Variants in GPC5 observed in about 807,000 individuals in gnomAD.
GPC5 encodes glypican 5, also known as glypican-5.
A neutral mutation model predicts 53.9 loss-of-function variants in GPC5; 47 were observed. The ratio of observed to expected loss-of-function variants is 0.87; its 90% CI spans 0.69 to 1.11. GPC5 has a LOEUF of 1.11. Ranked by LOEUF, GPC5 falls within the 50% of genes most tolerant of loss-of-function variation. The probability of loss-of-function intolerance (pLI) is 0.00; values close to 1 mark genes in which losing one functional copy is unlikely to be tolerated. For missense variants in GPC5, 748 were observed against 713.1 expected (o/e 1.05, Z -0.56); for synonymous variants, 286 against 263.3 (o/e 1.09, Z -0.84).
At chr13:91,600,340 AGAGAGAGAGT>A (rs1222462672) in intron 2 of GPC5, among the ~76,000 whole-genome samples, 73 of 42,556 alleles carry the variant, frequency 1.7e-3, no homozygotes, top group Non-Finnish European at 2.8e-3. Flanking sequence ...AGAGAGAGAG[AGAGAGAGAGT>A]GTGTGTGTGT....
chr13:92,095,842 T>C (rs1308596007), intron 6 of GPC5, among the ~76,000 whole-genome samples: 6 of 152,158 alleles, frequency 3.9e-5, no homozygotes, highest in Non-Finnish European at 5.9e-5. Flanking sequence ...CCTAAATCTA[T>C]TATTTAAAAA....
intron 2 of GPC5, among the ~76,000 whole-genome samples, chr13:91,680,706 AG>A (rs2139728845): frequency 6.6e-6 from 1 of 152,338 alleles, no homozygotes; most frequent in East Asian, 1.9e-4. Flanking sequence ...TTAAATGAAA[AG>A]GCTGCCTTTG....
intron 2 of GPC5, among the ~76,000 whole-genome samples, chr13:91,510,595 A>AC (rs1250927315): frequency 6.6e-6 from 1 of 152,236 alleles, no homozygotes; most frequent in Non-Finnish European, 1.5e-5. Context: ...ATATCTGCCC[A>AC]TATTTTAATT....
chr13:91,492,113 T>C (rs1011791737), intron 2 of GPC5, among the ~76,000 whole-genome samples: 3 of 152,230 alleles, frequency 2.0e-5, no homozygotes, highest in Non-Finnish European at 4.4e-5. Context: ...GAAAGTTATT[T>C]GTTGGATAAT....
chr13:91,964,103 A>C (rs889722259), intron 6 of GPC5, among the ~76,000 whole-genome samples: 2 of 152,080 alleles, frequency 1.3e-5, no homozygotes, highest in African/African-American at 4.8e-5. Context: ...TTTCCTTCTG[A>C]TGTTCAGAGG....
chr13:92,732,775 C>T (rs1219822254), intron 7 of GPC5, among the ~76,000 whole-genome samples: 2 of 151,694 alleles, frequency 1.3e-5, no homozygotes, highest in East Asian at 3.9e-4. Context: ...GATTTTCCCA[C>T]CTGAACCGCT....
intron 5 of GPC5, among the ~76,000 whole-genome samples, chr13:91,818,582 G>T (rs1461869392): frequency 6.6e-6 from 1 of 152,106 alleles, no homozygotes; most frequent in Non-Finnish European, 1.5e-5. Context: ...ATAATAAAAT[G>T]CTGGGTCTCA....
At chr13:92,115,811 AC>A (rs1456329859) in intron 6 of GPC5, among the ~76,000 whole-genome samples, 2 of 149,574 alleles carry the variant, frequency 1.3e-5, no homozygotes, top group African/African-American at 4.9e-5. Context: ...TGCACCCCCC[AC>A]CCCCACCGCA....
intron 7 of GPC5, among the ~76,000 whole-genome samples, chr13:92,797,918 A>C (rs569133090): frequency 1.3e-4 from 20 of 151,992 alleles, no homozygotes; most frequent in African/African-American, 4.8e-4. Context: ...AGATGGATAG[A>C]TACAGTTCAT....
intron 7 of GPC5, among the ~76,000 whole-genome samples, chr13:92,361,444 G>C (rs770127473): frequency 1.3e-5 from 2 of 151,752 alleles, no homozygotes; most frequent in Non-Finnish European, 2.9e-5. Flanking sequence ...GTTGCTTTAA[G>C]ATATATGGAT....
intron 7 of GPC5, among the ~76,000 whole-genome samples, chr13:92,245,217 A>G (rs1008727004): frequency 5.9e-5 from 9 of 152,010 alleles, no homozygotes; most frequent in Non-Finnish European, 8.8e-5. Context: ...ATGTCTTCCA[A>G]TGCATGCATG....
At chr13:92,722,528 C>T (rs1888534220) in intron 7 of GPC5, among the ~76,000 whole-genome samples, 1 of 151,984 alleles carries the variant, frequency 6.6e-6, no homozygotes, top group East Asian at 1.9e-4. Context: ...AGTTCTCAAA[C>T]ATGAGAGGAA....
At chr13:92,444,545 A>G (rs998597208) in intron 7 of GPC5, among the ~76,000 whole-genome samples, 2 of 152,030 alleles carry the variant, frequency 1.3e-5, no homozygotes, top group Non-Finnish European at 2.9e-5. Flanking sequence ...TATTCATTTA[A>G]TAAGAGAACT....
chr13:91,850,507 G>T (rs1019617421), intron 5 of GPC5, among the ~76,000 whole-genome samples: 1 of 152,088 alleles, frequency 6.6e-6, no homozygotes, highest in Non-Finnish European at 1.5e-5. Context: ...TAAAAGACAT[G>T]TTTCCTATAC....
intron 2 of GPC5, among the ~76,000 whole-genome samples, chr13:91,610,456 G>A (rs1213280348): frequency 1.3e-5 from 2 of 152,060 alleles, no homozygotes; most frequent in Admixed American, 1.3e-4. Flanking sequence ...TTGAGTAGTG[G>A]CAAACAAAGG....
intron 7 of GPC5, among the ~76,000 whole-genome samples, chr13:92,328,525 G>C (rs2043267463): frequency 6.6e-6 from 1 of 152,112 alleles, no homozygotes; most frequent in Admixed American, 6.6e-5. Flanking sequence ...ATGGAACTAG[G>C]CTATAAGGTT....
intron 7 of GPC5, among the ~76,000 whole-genome samples, chr13:92,720,550 AT>A (rs1411818528): frequency 6.6e-6 from 1 of 152,046 alleles, no homozygotes; most frequent in Non-Finnish European, 1.5e-5. Context: ...TAATCTCGGG[AT>A]TTTGTTTCTG....
At chr13:92,155,612 C>A (rs1190100191) in intron 7 of GPC5, among the ~76,000 whole-genome samples, 1 of 152,102 alleles carries the variant, frequency 6.6e-6, no homozygotes, top group African/African-American at 2.4e-5. Flanking sequence ...TTTCCTCAAC[C>A]TTTTTGATCT....
intron 7 of GPC5, among the ~76,000 whole-genome samples, chr13:92,149,903 A>G (rs1313158170): frequency 6.6e-6 from 1 of 151,980 alleles, no homozygotes; most frequent in Non-Finnish European, 1.5e-5. Context: ...ATGAGTTCAA[A>G]CACATATGCC....
Sources: gnomAD v4.1 joint callset for allele counts (sites outside exome capture counted in the v4.1 genomes callset) on GRCh38, gnomAD v4.1.1 for gene constraint, MANE v1.5 for transcripts, NCBI Gene and HGNC (gene_info 2026-07-23, HGNC 2026-07-21) for gene names.